MYLK: variants seen among roughly 807,000 people sequenced by gnomAD.
MYLK encodes the protein myosin light chain kinase, smooth muscle.
A neutral mutation model predicts 203.4 loss-of-function variants in MYLK; 106 were observed. That is an observed-to-expected ratio of 0.52 (90% CI 0.45 to 0.61). The LOEUF is 0.61. Ranked by LOEUF, MYLK falls within the 20% of genes least tolerant of loss-of-function variation. The pLI is 0.00. For missense variants in MYLK, 2,072 were observed against 2,442.3 expected (o/e 0.85, Z 3.20); for synonymous variants, 867 against 959.5 (o/e 0.90, Z 1.78).
At chr3:123,794,313 G>A (rs1272180924) in intron 3 of MYLK, among the ~76,000 whole-genome samples, 1 of 152,226 alleles carries the variant, frequency 6.6e-6, no homozygotes, top group Admixed American at 6.5e-5. Context: ...ATAGAAAAAT[G>A]GGATCCATAC....
intron 29 of MYLK, among the ~76,000 whole-genome samples, chr3:123,632,628 T>G (rs934991813): frequency 6.6e-6 from 1 of 152,128 alleles, no homozygotes; most frequent in African/African-American, 2.4e-5. Context: ...ATTCTTCCTA[T>G]TAAAGAGCAT....
chr3:123,797,733 T>C (rs1364083256), intron 3 of MYLK, among the ~76,000 whole-genome samples: 1 of 152,234 alleles, frequency 6.6e-6, no homozygotes, highest in African/African-American at 2.4e-5. Flanking sequence ...TCTCTTTCTC[T>C]GTCAAATGGA....
At chr3:123,636,603 C>G (rs1392754812) in intron 29 of MYLK, among the ~76,000 whole-genome samples, 1 of 152,244 alleles carries the variant, frequency 6.6e-6, no homozygotes, top group Non-Finnish European at 1.5e-5. Context: ...CTGCCCAGGC[C>G]TGGGGCCGCC....
At chr3:123,658,626 G>T (rs1038277875) in intron 23 of MYLK, among the ~76,000 whole-genome samples, 8 of 152,112 alleles carry the variant, frequency 5.3e-5, no homozygotes, top group African/African-American at 1.9e-4. Context: ...TTGTTTGCCT[G>T]GCTTTCTCAT....
Position 123,700,687 on chromosome 3 carries a change from G to A in MYLK, c.2781C>T (p.Ala927=), listed in dbSNP as rs12172928. ...TTGGCTTCACTTGCCGCTGCAGGTTGGCACGGAAATCCATCTGCTCGGCTG... is the reference window on the plus strand; with the variant it reads ...TTGGCTTCACTTGCCGCTGCAGGTTAGCACGGAAATCCATCTGCTCGGCTG... The part of the protein sequence containing the change: ...EIPAEQMDFR[A]NLQRQVKPKT... The change falls in exon 18 of 34, where the codon GCC becomes GCT. Residue 927 remains alanine (A), a synonymous_variant. Coordinates refer to ENST00000360304, the MANE Select transcript of MYLK (RefSeq NM_053025.4). 9.9e-6 allele frequency: 16 copies of A among 1,614,098 alleles called. No individual in the cohort carries two copies. The East Asian group carries it at 3.6e-4, about 36-fold the overall frequency.
chr3:123,737,487 C>A lies in MYLK; in HGVS notation c.645G>T (p.Met215Ile). ...TGACTCCATGGATTTCCAGAACCTG[C>A]ATGCCGTTCTTCTCAGACACAGACA... Reference protein sequence around the residue: ...ARVSVSEKNGMQVLEIHGVNQ... With the variant: ...ARVSVSEKNGIQVLEIHGVNQ... The change falls in exon 8 of 34, where the codon ATG becomes ATT. Residue 215 changes from methionine (M) to isoleucine (I), a missense_variant. By Grantham distance (10) the Met-to-Ile change is conservative. Transcript: ENST00000360304. The A allele has an allele frequency of 1.2e-5, 19 of 1,614,222 alleles. No individual in the cohort carries two copies. Among genetic ancestry groups the A allele is most frequent in the Non-Finnish European group, 1.6e-5 (19 of 1,180,042 alleles).
chr3:123,722,503 TTG>T, intron 12 of MYLK, among the ~76,000 whole-genome samples: 1 of 151,896 alleles, frequency 6.6e-6, no homozygotes, highest in African/African-American at 2.4e-5. Flanking sequence ...AAGGGAGTAA[TTG>T]TGTGGTGGAG....
At chr3:123,764,861 C>T (rs1576895413) in intron 4 of MYLK, among the ~76,000 whole-genome samples, 1 of 152,210 alleles carries the variant, frequency 6.6e-6, no homozygotes, top group Non-Finnish European at 1.5e-5. Context: ...GCCTACTCTC[C>T]TAACCACAGG....
intron 13 of MYLK, among the ~76,000 whole-genome samples, chr3:123,712,085 G>C (rs770185229): frequency 1.3e-5 from 2 of 152,190 alleles, no homozygotes; most frequent in African/African-American, 4.8e-5. Flanking sequence ...AACCCCCCAC[G>C]GTCCCCTTGG....
rs375792564 is a variant in MYLK, at chr3:123,657,366, G to A, written c.4048C>T (p.Leu1350=). The A allele has an allele frequency of 6.2e-7, 1 of 1,614,164 alleles. No individual in the cohort carries two copies. Among genetic ancestry groups the A allele is most frequent in the Non-Finnish European group, 8.5e-7 (1 of 1,180,048 alleles). The change falls in exon 24 of 34, where the codon CTG becomes TTG. Residue 1350 remains leucine, a synonymous_variant. Coordinates refer to ENST00000360304, the MANE Select transcript of MYLK (RefSeq NM_053025.4). ...TCATATGAGGAGCCATACCAGGACAGGGTCAGTGAGGAGCTCCGAATGTCA... is the reference window on the plus strand; with the variant it reads ...TCATATGAGGAGCCATACCAGGACAAGGTCAGTGAGGAGCTCCGAATGTCA... ...ASDIRSSSLT[L]SWYGSSYDGG...
In MYLK at chr3:123,613,240, A is replaced by G. The variant is rs1360693646; in HGVS notation, c.*865T>C. On this transcript the variant is annotated 3_prime_UTR_variant, in exon 34 of 34. Transcript: ENST00000360304. ...ACTTTTCAGCAAACTGATTTCTCCT[A>G]TATTCAAACACAAAAATCTTTACCA... is the stretch of plus-strand genomic sequence containing the variant. The G allele has an allele frequency of 6.6e-6, 1 of 152,228 alleles. No individual in the cohort carries two copies. The highest frequency in any genetic ancestry group is 1.5e-5 in the Non-Finnish European group (1 of 68,048). 9.4% of individuals were successfully genotyped at this position (152,228 alleles called of 1,614,324 possible).
Position 123,737,369 on chromosome 3 carries a change from G to A in MYLK, c.754+9C>T, listed in dbSNP as rs2062710661. ...GATCGTTCTGCACTAGCCGTCCACT[G>A]GTCGATACCTTGGATGGAAAGTTCA... is the stretch of plus-strand genomic sequence containing the variant. On this transcript the variant is annotated intron_variant, in intron 8 of 33. Transcript: ENST00000360304. 6.2e-7 allele frequency: 1 copy of A among 1,614,000 alleles called. No individual in the cohort carries two copies. Among genetic ancestry groups the A allele is most frequent in the Non-Finnish European group, 8.5e-7 (1 of 1,180,040 alleles).
chr3:123,849,884 C>T (rs990358017), intron 2 of MYLK, among the ~76,000 whole-genome samples: 4 of 152,162 alleles, frequency 2.6e-5, no homozygotes, highest in African/African-American at 9.7e-5. Flanking sequence ...CTAATGCTAT[C>T]CCTCTCCCCT....
At chr3:123,761,366 G>C (rs181183924) in intron 4 of MYLK, among the ~76,000 whole-genome samples, 20 of 152,286 alleles carry the variant, frequency 1.3e-4, no homozygotes, top group East Asian at 1.2e-3. Context: ...CCCAACACCT[G>C]CTCCACGTTG....
At chr3:123,732,806 T>C in intron 11 of MYLK, 90 bp downstream of exon 11, 2 of 1,274,416 alleles carry the variant, frequency 1.6e-6, no homozygotes, top group Non-Finnish European at 2.3e-6. Context: ...GGCAGGGGGC[T>C]ATAGGAGATG....
chr3:123,717,839 CTTTTTTTTTT>C (rs10574979), intron 13 of MYLK, among the ~76,000 whole-genome samples: 3 of 94,992 alleles, frequency 3.2e-5, no homozygotes, highest in African/African-American at 1.3e-4. Flanking sequence ...TTGAGGGACT[CTTTTTTTTTT>C]TTTTTTTTTT....
chr3:123,843,120 C>T (rs910150836), intron 2 of MYLK, among the ~76,000 whole-genome samples: 1 of 152,168 alleles, frequency 6.6e-6, no homozygotes, highest in Non-Finnish European at 1.5e-5. Flanking sequence ...TCACAACTCC[C>T]GTATCAGTAA....
intron 4 of MYLK, among the ~76,000 whole-genome samples, chr3:123,775,616 T>C (rs2064043881): frequency 6.6e-6 from 1 of 152,096 alleles, no homozygotes; most frequent in African/African-American, 2.4e-5. Context: ...AATTGACAAA[T>C]ATACTCTAAA....
Position 123,778,750 on chromosome 3 carries a change from C to T in MYLK, c.165+14927G>A, listed in dbSNP as rs187737788. 1.1e-4 allele frequency among the ~76,000 whole-genome samples: 17 copies of T among 152,322 alleles called. No individual in the cohort carries two copies. In the East Asian group the frequency reaches 2.5e-3, roughly 23 times the overall value. On this transcript the variant is annotated intron_variant, in intron 4 of 33. Coordinates refer to ENST00000360304, the MANE Select transcript of MYLK (RefSeq NM_053025.4). ...TGACCTTTGTTTCCATCTCTGGAGA[C>T]TAACAGCTGCCCCTTGAGTGGCTCA... is the stretch of plus-strand genomic sequence containing the variant.
Sources: allele counts gnomAD v4.1 joint callset (sites outside exome capture counted in the v4.1 genomes callset), GRCh38; gene constraint gnomAD v4.1.1; transcripts MANE v1.5; gene names NCBI Gene and HGNC (gene_info 2026-07-23, HGNC 2026-07-21).